The following SLMAP variants were observed in gnomAD, a reference collection of about 807,000 sequenced individuals.
SLMAP encodes the protein sarcolemma associated protein.
In SLMAP, 44 loss-of-function variants were observed where a neutral mutation model predicts 128.8. That is an observed-to-expected ratio of 0.34 (90% CI 0.27 to 0.44). The LOEUF (loss-of-function observed/expected upper bound fraction) is 0.44. Ranked by LOEUF, SLMAP falls within the 20% of genes least tolerant of loss-of-function variation. The pLI is 1.00. For missense variants in SLMAP, 787 were observed against 985.3 expected, an observed-to-expected ratio of 0.80 and a Z score of 2.69; for synonymous variants, 327 against 348.8, an observed-to-expected ratio of 0.94 and a Z score of 0.70.
chr3:57,782,358 T>C (rs2083255781), intron 2 of SLMAP, among the ~76,000 whole-genome samples: 3 of 152,226 alleles, frequency 2.0e-5, no homozygotes. Flanking sequence ...GTTAATAATA[T>C]GACCTTATAT....
intron 14 of SLMAP, among the ~76,000 whole-genome samples, chr3:57,885,124 G>A (rs2095846247): frequency 6.6e-6 from 1 of 150,642 alleles, no homozygotes; most frequent in Admixed American, 6.6e-5. Context: ...CCAGGCTGGA[G>A]TGCAATGGCA....
intron 23 of SLMAP, 86 bp downstream of exon 23, chr3:57,923,109 T>C (rs1030194226): frequency 1.6e-6 from 2 of 1,258,246 alleles, no homozygotes; most frequent in Non-Finnish European, 2.3e-6. Context: ...ATCACTGATT[T>C]GTGAAGCAAA....
At chr3:57,809,447 G>A (rs1476049254) in intron 2 of SLMAP, among the ~76,000 whole-genome samples, 49 of 152,192 alleles carry the variant, frequency 3.2e-4, no homozygotes, top group Admixed American at 3.1e-3. Flanking sequence ...CTGGACTTTG[G>A]GTGCTGACAA....
intron 17 of SLMAP, chr3:57,902,287 G>C (rs1490714620): frequency 6.6e-6 from 1 of 151,980 alleles, no homozygotes; most frequent in Non-Finnish European, 1.5e-5. Context: ...TTTTAAATGG[G>C]TAGGATTACA....
At chr3:57,817,395 G>C (rs2091986863) in intron 2 of SLMAP, among the ~76,000 whole-genome samples, 1 of 152,146 alleles carries the variant, frequency 6.6e-6, no homozygotes, top group African/African-American at 2.4e-5. Flanking sequence ...AGTGGCTGCT[G>C]ACTGAATTTC....
chr3:57,799,776 A>T lies in SLMAP; in HGVS notation c.199-31607A>T, dbSNP rs1354117477. On this transcript the variant is annotated intron_variant, in intron 2 of 24. Coordinates refer to ENST00000671191, the MANE Select transcript of SLMAP (RefSeq NM_001377540.1). Reference sequence around the variant, plus strand: ...TTCCCAACTTTTAAAACTTTATTTTATGCCATAGTACAAACATATTCGCGA... The same window carrying T: ...TTCCCAACTTTTAAAACTTTATTTTTTGCCATAGTACAAACATATTCGCGA... Among the ~76,000 whole-genome samples, 4 of 152,140 alleles carry T rather than the reference A, an allele frequency of 2.6e-5. No homozygotes were observed. In the East Asian group the frequency reaches 7.7e-4, roughly 29 times the overall value.
chr3:57,909,205 A>G, intron 19 of SLMAP, 55 bp downstream of exon 19: 1 of 1,345,402 alleles, frequency 7.4e-7, no homozygotes, highest in Non-Finnish European at 1.0e-6. Flanking sequence ...GTTTTTAGTG[A>G]TTCAAAAGGA....
chr3:57,783,795 G>T (rs1350753822), intron 2 of SLMAP, among the ~76,000 whole-genome samples: 1 of 152,150 alleles, frequency 6.6e-6, no homozygotes, highest in Non-Finnish European at 1.5e-5. Context: ...GTCATCACGG[G>T]TGCAGACCTC....
At chr3:57,803,820 A>G (rs2089180279) in intron 2 of SLMAP, among the ~76,000 whole-genome samples, 1 of 152,184 alleles carries the variant, frequency 6.6e-6, no homozygotes, top group Admixed American at 6.5e-5. Flanking sequence ...TTGTTCTTTA[A>G]TCCAATGACT....
At chr3:57,773,016 T>C (rs2081193463) in intron 2 of SLMAP, among the ~76,000 whole-genome samples, 1 of 152,250 alleles carries the variant, frequency 6.6e-6, no homozygotes, top group African/African-American at 2.4e-5. Flanking sequence ...CCTAGGTACA[T>C]GACCATGACT....
intron 2 of SLMAP, among the ~76,000 whole-genome samples, chr3:57,825,930 C>T (rs779618884): frequency 2.0e-5 from 3 of 152,008 alleles, no homozygotes; most frequent in Non-Finnish European, 4.4e-5. Context: ...TGACTGTTTT[C>T]GAGACTTTTA....
chr3:57,798,652 C>T (rs1274600112), intron 2 of SLMAP, among the ~76,000 whole-genome samples: 2 of 152,256 alleles, frequency 1.3e-5, no homozygotes, highest in East Asian at 3.9e-4. Flanking sequence ...TCTAGTTTAA[C>T]TCAATTGATG....
chr3:57,840,749 G>T (rs997125665), intron 3 of SLMAP, among the ~76,000 whole-genome samples: 1 of 152,178 alleles, frequency 6.6e-6, no homozygotes, highest in African/African-American at 2.4e-5. Context: ...TGAGACACTA[G>T]CAAACAATTC....
intron 4 of SLMAP, among the ~76,000 whole-genome samples, chr3:57,843,775 C>CTTTTTTTTTTTTTTTTTTT (rs775541858): frequency 1.2e-3 from 90 of 77,114 alleles, no homozygotes; most frequent in Admixed American, 1.9e-3. Context: ...TCTTTTCTTT[C>CTTTTTTTTTTTTTTTTTTT]TTTTTTTTTT....
chr3:57,896,844 T>A, intron 16 of SLMAP, 29 bp from the exon 17 acceptor site: 2 of 1,579,148 alleles, frequency 1.3e-6, no homozygotes, highest in East Asian at 4.5e-5. Context: ...CTGTCTGTAA[T>A]TATATATGTA....
chr3:57,894,008 A>G (rs1294749105), intron 15 of SLMAP, among the ~76,000 whole-genome samples: 1 of 152,230 alleles, frequency 6.6e-6, no homozygotes, highest in Non-Finnish European at 1.5e-5. Flanking sequence ...GTATTCTTAT[A>G]TGGAATAGCC....
intron 13 of SLMAP, among the ~76,000 whole-genome samples, chr3:57,870,711 G>C (rs1339559057): frequency 6.6e-6 from 1 of 152,122 alleles, no homozygotes; most frequent in Admixed American, 6.6e-5. Context: ...AGGGGAAGGA[G>C]GTTTTTATAG....
At chr3:57,853,955 T>A (rs796188522) in intron 6 of SLMAP, among the ~76,000 whole-genome samples, 1,047 of 31,680 alleles carry the variant, frequency 0.033, 10 homozygotes, top group Middle Eastern at 0.056. Flanking sequence ...AAAAAAAAAA[T>A]TATATATATA....
At chr3:57,909,200 T>C in intron 19 of SLMAP, 50 bp downstream of exon 19, 1 of 1,395,954 alleles carries the variant, frequency 7.2e-7, no homozygotes, top group Non-Finnish European at 1.0e-6. Context: ...TGTTTGTTTT[T>C]AGTGATTCAA....
Sources: gnomAD v4.1 joint callset for allele counts (sites outside exome capture counted in the v4.1 genomes callset) on GRCh38, gnomAD v4.1.1 for gene constraint, MANE v1.5 for transcripts, NCBI Gene and HGNC (gene_info 2026-07-23, HGNC 2026-07-21) for gene names.